Variants in CNTNAP3 observed in about 807,000 individuals in gnomAD.
CNTNAP3 encodes contactin-associated protein-like 3.
CNTNAP3 carries 36 observed loss-of-function variants against 92.1 expected under a neutral mutation model. The ratio of observed to expected loss-of-function variants is 0.39; its 90% confidence interval spans 0.30 to 0.52. The LOEUF is 0.52. CNTNAP3 is among the 20% of genes least tolerant of loss of function. The pLI is 0.76. For synonymous variants in CNTNAP3, 232 were observed against 422.3 expected, an observed-to-expected ratio of 0.55 and a Z score of 5.53; for missense variants, 534 against 1,069.6, an observed-to-expected ratio of 0.50 and a Z score of 6.98.
intron 13 of CNTNAP3, among the ~76,000 whole-genome samples, chr9:39,128,777 A>G (rs1408990133): frequency 2.6e-5 from 4 of 151,636 alleles, no homozygotes; most frequent in Non-Finnish European, 5.9e-5. Context: ...CATATAGAAA[A>G]TCCCAAGGAA....
rs754572269 is a variant in CNTNAP3, at chr9:39,133,088, T to C, written c.1924A>G (p.Thr642Ala). 8 of 1,568,804 alleles carry C rather than the reference T, an allele frequency of 5.1e-6. No homozygotes were observed. The highest frequency in any genetic ancestry group is 6.9e-6 in the Non-Finnish European group (8 of 1,163,832). ...VVQHGGPDAV[T>A]LRGAPSGHPR... ...TGCCCGCTGGGGGCACCTCGGAGGG[T>C]CACCGCGTCGGGGCCACCGTGCTGC... The change falls in exon 13 of 24, where the codon ACC becomes GCC. Residue 642 changes from threonine (T) to alanine (A), a missense_variant. By Grantham distance (58) the Thr-to-Ala change is moderately conservative. Transcript: ENST00000297668.
Position 39,287,078 on chromosome 9 carries a change from C to T in CNTNAP3, c.85+902G>A, listed in dbSNP as rs868450371. On this transcript the variant is annotated intron_variant, in intron 1 of 23. Coordinates refer to ENST00000297668, the MANE Select transcript of CNTNAP3 (RefSeq NM_033655.5). ...ATTCTAATCTCATGGTTTGATTAAT[C>T]AAGAAAGAAAGACAACTCTCTGCTA... is the stretch of plus-strand genomic sequence containing the variant. Among the ~76,000 whole-genome samples the T allele has an allele frequency of 3.7e-5, 2 of 54,474 alleles. 1 individual carries two copies. The highest frequency in any genetic ancestry group is 8.4e-5 in the African/African-American group (2 of 23,928). 35.7% of individuals were successfully genotyped at this position (54,474 alleles called of 152,430 possible). A position where few individuals can be genotyped will look rare whatever the true frequency, so the allele number is the denominator to read the frequency against.
intron 14 of CNTNAP3, among the ~76,000 whole-genome samples, chr9:39,114,314 T>C (rs1287035633): frequency 4.6e-5 from 7 of 152,014 alleles, no homozygotes; most frequent in Non-Finnish European, 8.8e-5. Context: ...CTCGATCTTC[T>C]GACCTCGTGA....
intron 13 of CNTNAP3, among the ~76,000 whole-genome samples, chr9:39,126,498 A>G (rs1203499506): frequency 6.6e-6 from 1 of 152,196 alleles, no homozygotes; most frequent in Admixed American, 6.5e-5. Flanking sequence ...ACAAAAAAGT[A>G]AACTGCAAAC....
intron 18 of CNTNAP3, among the ~76,000 whole-genome samples, chr9:39,097,777 C>T (rs1334437882): frequency 2.0e-5 from 3 of 147,370 alleles, no homozygotes; most frequent in Admixed American, 6.7e-5. Flanking sequence ...AGGGTCTTGG[C>T]TTAAATGCCT....
Position 39,102,642 on chromosome 9 carries a change from G to C in CNTNAP3, c.2610C>G (p.Pro870=). The part of the protein sequence containing the change: ...PCEVTVQSPT[P]FNDNQWHHVR... ...CGTGGTGCCACTGATTGTCATTAAA[G>C]GGAGTGGGTGACTGCACCGTGACCT... is the stretch of plus-strand genomic sequence containing the variant. Residue 870 remains proline, a synonymous_variant, in exon 17 of 24, where the codon CCC becomes CCG. Transcript: ENST00000297668. The C allele has an allele frequency of 7.1e-7, 1 of 1,412,280 alleles. No individual in the cohort carries two copies. The highest frequency in any genetic ancestry group is 9.7e-7 in the Non-Finnish European group (1 of 1,026,582). The allele number at this position is 1,412,280 out of a possible 1,614,324, so 87.5% of individuals were successfully genotyped here.
In CNTNAP3 at chr9:39,068,198, G is replaced by T. The variant is rs1371521099; in HGVS notation, c.*5692C>A. Among the ~76,000 whole-genome samples, 3,897 of 128,130 alleles carry T rather than the reference G, an allele frequency of 0.03. No individual in the cohort carries two copies. The highest frequency in any genetic ancestry group is 0.098 in the Middle Eastern group (22 of 224). 84.1% of individuals were successfully genotyped at this position (128,130 alleles called of 152,430 possible). ...GCAGATCATGAGATCCAGAGATCGA[G>T]ACCATCCTGGCTAACACGGTGAAAC... On this transcript the variant is annotated 3_prime_UTR_variant, in exon 24 of 24. Transcript: ENST00000297668.
At chr9:39,103,255 G>A (rs1196455757) in intron 16 of CNTNAP3, among the ~76,000 whole-genome samples, 22 of 152,170 alleles carry the variant, frequency 1.4e-4, no homozygotes, top group Admixed American at 3.3e-4. Context: ...GGATTATTAC[G>A]TGCTTCATGC....
chr9:39,092,453 C>T lies in CNTNAP3; in HGVS notation c.2996-3806G>A, dbSNP rs968303220. On this transcript the variant is annotated intron_variant, in intron 18 of 23. Transcript: ENST00000297668. ...ATGTTTTAGTAATGTTGTATTTTTG[C>T]TTTCATTTATCTCAAAACCTTTTCT... 3.0e-5 allele frequency among the ~76,000 whole-genome samples: 4 copies of T among 134,126 alleles called. 1 individual carries two copies. Among genetic ancestry groups the T allele is most frequent in the Non-Finnish European group, 6.5e-5 (4 of 61,494 alleles). The allele number at this position is 134,126 out of a possible 152,430, so 88.0% of individuals were successfully genotyped here.
chr9:39,125,664 A>G lies in CNTNAP3; in HGVS notation c.2080+7268T>C, dbSNP rs567689086. 3.3e-4 allele frequency among the ~76,000 whole-genome samples: 51 copies of G among 152,268 alleles called. 1 individual carries two copies. Among genetic ancestry groups the G allele is most frequent in the African/African-American group, 1.2e-3 (51 of 41,558 alleles). On this transcript the variant is annotated intron_variant, in intron 13 of 23. Transcript: ENST00000297668. ...TATACCATGGTAACACTAACCAAAAAGAAAGCCAGAGTATCTAAATTAATT... is the reference window on the plus strand; with the variant it reads ...TATACCATGGTAACACTAACCAAAAGGAAAGCCAGAGTATCTAAATTAATT...
At chr9:39,132,632 A>G (rs1284820834) in intron 13 of CNTNAP3, among the ~76,000 whole-genome samples, 1 of 152,138 alleles carries the variant, frequency 6.6e-6, no homozygotes, top group African/African-American at 2.4e-5. Flanking sequence ...TACAGCCATT[A>G]TCTCCTCAGT....
chr9:39,066,869 G>A lies in CNTNAP3; in HGVS notation c.*7021C>T, dbSNP rs900047802. Among the ~76,000 whole-genome samples, 11 of 152,250 alleles carry A rather than the reference G, an allele frequency of 7.2e-5. No homozygotes were observed. Among genetic ancestry groups the A allele is most frequent in the Non-Finnish European group, 1.6e-4 (11 of 68,052 alleles). ...TAGCACCCCTACTTGGGGATGTTGA[G>A]CTGGGTCTGTGGGTTTATAGTTTGC... On this transcript the variant is annotated 3_prime_UTR_variant, in exon 24 of 24. Coordinates refer to ENST00000297668, the MANE Select transcript of CNTNAP3 (RefSeq NM_033655.5).
chr9:39,179,286 T>C (rs1485426195), intron 4 of CNTNAP3, among the ~76,000 whole-genome samples: 14 of 80,748 alleles, frequency 1.7e-4, no homozygotes, highest in Middle Eastern at 8.8e-3. Flanking sequence ...TCTCTCTCTC[T>C]ACACACACAC....
At chr9:39,163,448 GA>G (rs1428471841) in intron 9 of CNTNAP3, among the ~76,000 whole-genome samples, 1 of 143,966 alleles carries the variant, frequency 6.9e-6, no homozygotes, top group East Asian at 2.0e-4. Flanking sequence ...TCGCTCTTCT[GA>G]AAAGGTTGGC....
rs558049584 is a variant in CNTNAP3 at position 39,064,769 on chromosome 9, A to G, written c.*9121T>C. 2.5e-4 allele frequency among the ~76,000 whole-genome samples: 38 copies of G among 150,832 alleles called. No individual in the cohort carries two copies. In the South Asian group the frequency reaches 3.4e-3, roughly 13 times the overall value. On this transcript the variant is annotated 3_prime_UTR_variant, in exon 24 of 24. Coordinates refer to ENST00000297668, the MANE Select transcript of CNTNAP3 (RefSeq NM_033655.5). ...TATAAGAATTTATAGAGCAATGAAA[A>G]TACCACATTTTGACATTTGTATTGT... is the stretch of plus-strand genomic sequence containing the variant.
intron 23 of CNTNAP3, among the ~76,000 whole-genome samples, chr9:39,075,511 G>A (rs1273848760): frequency 6.6e-6 from 1 of 152,242 alleles, no homozygotes; most frequent in African/African-American, 2.4e-5. Flanking sequence ...ATATTTTGAA[G>A]TAAAGGCAAT....
chr9:39,077,926 C>T (rs1019801134), intron 23 of CNTNAP3, among the ~76,000 whole-genome samples: 2 of 152,124 alleles, frequency 1.3e-5, no homozygotes, highest in African/African-American at 2.4e-5. Flanking sequence ...TCAACGAAGG[C>T]CGGGCATGGT....
intron 19 of CNTNAP3, among the ~76,000 whole-genome samples, chr9:39,087,489 T>G (rs74491539): frequency 0.012 from 1,871 of 151,782 alleles, 14 homozygotes; most frequent in Non-Finnish European, 0.015. Context: ...AGATTTTTTT[T>G]TTTGTTTGTT....
chr9:39,087,998 G>A (rs898947486), intron 19 of CNTNAP3, among the ~76,000 whole-genome samples: 3 of 152,140 alleles, frequency 2.0e-5, no homozygotes, highest in Non-Finnish European at 4.4e-5. Flanking sequence ...GTACTTATCT[G>A]TTGCTTATAG....
Sources: gnomAD v4.1 joint callset for allele counts (sites outside exome capture counted in the v4.1 genomes callset) on GRCh38, gnomAD v4.1.1 for gene constraint, MANE v1.5 for transcripts, NCBI Gene and HGNC (gene_info 2026-07-23, HGNC 2026-07-21) for gene names.